The following ANO6 variants were observed in gnomAD, a reference collection of about 807,000 sequenced individuals.
The protein encoded by ANO6 is anoctamin-6.
A neutral mutation model predicts 117.5 loss-of-function variants in ANO6; 106 were observed. The ratio of observed to expected loss-of-function variants is 0.90; its 90% CI spans 0.77 to 1.06. The LOEUF (loss-of-function observed/expected upper bound fraction) is 1.06. Among genes scored for constraint, ANO6 ranks in the 50% least tolerant of loss-of-function variants. The pLI, the probability that ANO6 is intolerant of heterozygous loss-of-function variation, is 0.00. For missense variants in ANO6, 955 were observed against 1,121.1 expected (o/e 0.85, Z 2.12); for synonymous variants, 367 against 385.1 (o/e 0.95, Z 0.55).
chr12:45,403,448 G>T lies in ANO6; in HGVS notation c.1792G>T (p.Gly598Cys). ...GKYRNEECDPGGCLLELTTQL... is the reference protein window; with the variant it reads ...GKYRNEECDPCGCLLELTTQL... The stretch of plus-strand genomic sequence containing the variant: ...CTTTTTAACCTTCTAGTGTGACCCA[G>T]GTGGCTGTCTTCTTGAACTGACAAC... Residue 598 changes from glycine (G) to cysteine (C), a missense_variant, in exon 15 of 20, where the codon GGT (glycine) becomes TGT (cysteine). By Grantham distance (159) the Gly-to-Cys change is radical. Transcript: ENST00000320560. 1 of 1,613,368 alleles carries T rather than the reference G, an allele frequency of 6.2e-7. No homozygotes were observed. Among genetic ancestry groups the T allele is most frequent in the Middle Eastern group, 1.6e-4 (1 of 6,062 alleles).
chr12:45,258,809 C>T (rs1937925986), intron 1 of ANO6, among the ~76,000 whole-genome samples: 1 of 152,156 alleles, frequency 6.6e-6, no homozygotes, highest in Admixed American at 6.5e-5. Flanking sequence ...GGAATGTTTT[C>T]CTCCAGAATA....
intron 16 of ANO6, among the ~76,000 whole-genome samples, chr12:45,413,869 T>C (rs1943149458): frequency 1.3e-5 from 2 of 152,176 alleles, no homozygotes; most frequent in Non-Finnish European, 2.9e-5. Flanking sequence ...TTTTTAGTTT[T>C]TTTGTTTTTC....
intron 1 of ANO6, among the ~76,000 whole-genome samples, chr12:45,217,137 G>C (rs990087605): frequency 1.3e-5 from 2 of 151,804 alleles, no homozygotes; most frequent in Non-Finnish European, 2.9e-5. Context: ...AGCAAAAAAA[G>C]AAAAAAAGGG....
downstream of ANO6, among the ~76,000 whole-genome samples, chr12:45,436,942 G>C (rs570227221): frequency 6.6e-6 from 1 of 152,224 alleles, no homozygotes; most frequent in South Asian, 2.1e-4. Flanking sequence ...CTCCAGCCTG[G>C]GCAACAAGAG....
chr12:45,403,575 G>A, intron 15 of ANO6, 39 bp downstream of exon 15: 1 of 1,531,348 alleles, frequency 6.5e-7, no homozygotes, highest in Non-Finnish European at 9.0e-7. Flanking sequence ...AAAAGGACAA[G>A]GGATAGAACA....
In ANO6 at chr12:45,216,718, C is replaced by T. The variant is rs565414361; in HGVS notation, c.70+327C>T. Among the ~76,000 whole-genome samples the T allele has an allele frequency of 5.5e-3, 844 of 152,362 alleles. 4 individuals are homozygous for T. Among genetic ancestry groups the T allele is most frequent in the Admixed American group, 9.5e-3 (146 of 15,310 alleles). ...CTCAGAAGCAACTTTGGGGTCACTTCCCCGACTCGCAGAGTGCTAGGGTTG... is the reference window on the plus strand; with the variant it reads ...CTCAGAAGCAACTTTGGGGTCACTTTCCCGACTCGCAGAGTGCTAGGGTTG... On this transcript the variant is annotated intron_variant, in intron 1 of 19. Transcript: ENST00000320560.
At chr12:45,427,569 A>G (rs1943533815) in intron 19 of ANO6, among the ~76,000 whole-genome samples, 1 of 152,106 alleles carries the variant, frequency 6.6e-6, no homozygotes. Context: ...TTTTAACACC[A>G]TGAATAATTT....
At chr12:45,273,271 AGT>A in intron 1 of ANO6, among the ~76,000 whole-genome samples, 1 of 152,232 alleles carries the variant, frequency 6.6e-6, no homozygotes, top group East Asian at 1.9e-4. Flanking sequence ...ATTGTTACAC[AGT>A]GTATATCAAA....
intron 2 of ANO6, among the ~76,000 whole-genome samples, chr12:45,327,452 T>G (rs1232175977): frequency 6.6e-6 from 1 of 152,208 alleles, no homozygotes; most frequent in Non-Finnish European, 1.5e-5. Flanking sequence ...ATTGAACATG[T>G]GCACAGATAC....
chr12:45,289,797 G>A (rs181095597), intron 1 of ANO6, among the ~76,000 whole-genome samples: 15 of 152,312 alleles, frequency 9.8e-5, no homozygotes, highest in East Asian at 1.9e-4. Flanking sequence ...TCATTTGAAG[G>A]TAATTGGCCA....
chr12:45,416,328 T>TA (rs11424180), intron 16 of ANO6, among the ~76,000 whole-genome samples: 11,360 of 150,260 alleles, frequency 0.076, 977 homozygotes, highest in African/African-American at 0.2. Flanking sequence ...TCTTTTTTCT[T>TA]AAAAAAAAAA....
chr12:45,314,474 TAC>T (rs56187528), intron 2 of ANO6, among the ~76,000 whole-genome samples: 121,916 of 144,710 alleles, frequency 0.84, 52,127 homozygotes, highest in Non-Finnish European at 0.94. Context: ...ATATTATATA[TAC>T]ACACACACAC....
intron 1 of ANO6, among the ~76,000 whole-genome samples, chr12:45,262,093 A>G (rs917954870): frequency 4.6e-5 from 7 of 152,202 alleles, no homozygotes; most frequent in African/African-American, 7.2e-5. Context: ...TATGTGAGCC[A>G]TTGTAGAAAT....
intron 15 of ANO6, 93 bp downstream of exon 15, chr12:45,403,629 A>AT: frequency 9.9e-7 from 1 of 1,014,998 alleles, no homozygotes; most frequent in East Asian, 2.5e-5. Flanking sequence ...ACATAGCCAC[A>AT]TAGCTGCATG....
At chr12:45,390,565 T>TA in intron 12 of ANO6, 67 bp downstream of exon 12, 1 of 1,351,112 alleles carries the variant, frequency 7.4e-7, no homozygotes, top group Non-Finnish European at 1.1e-6. Context: ...ATTTTTTTAA[T>TA]ATCTAATTTT....
chr12:45,270,297 G>A (rs528258218), intron 1 of ANO6, among the ~76,000 whole-genome samples: 1 of 152,316 alleles, frequency 6.6e-6, no homozygotes, highest in African/African-American at 2.4e-5. Flanking sequence ...GCCATCCCAT[G>A]TTATAGATAA....
chr12:45,266,510 A>C (rs1938220348), intron 1 of ANO6, among the ~76,000 whole-genome samples: 2 of 152,170 alleles, frequency 1.3e-5, no homozygotes, highest in African/African-American at 4.8e-5. Context: ...AATTGAATTA[A>C]TATTACTGTG....
At chr12:45,350,068 C>A (rs745572791) in intron 6 of ANO6, among the ~76,000 whole-genome samples, 2 of 151,844 alleles carry the variant, frequency 1.3e-5, no homozygotes, top group Non-Finnish European at 2.9e-5. Context: ...GGTTCTAGTG[C>A]CAGAAGAAGA....
intron 16 of ANO6, among the ~76,000 whole-genome samples, chr12:45,413,484 A>C (rs1056983978): frequency 6.6e-6 from 1 of 152,244 alleles, no homozygotes; most frequent in Non-Finnish European, 1.5e-5. Context: ...AGTTGGACAC[A>C]ACAGTCAGGA....
Sources: gnomAD v4.1 joint callset for allele counts (sites outside exome capture counted in the v4.1 genomes callset) on GRCh38, gnomAD v4.1.1 for gene constraint, MANE v1.5 for transcripts, NCBI Gene and HGNC (gene_info 2026-07-23, HGNC 2026-07-21) for gene names.